SLC25A5: variants seen among roughly 807,000 people sequenced by gnomAD.
SLC25A5 encodes the protein solute carrier family 25 member 5, also known as ADP/ATP translocase 2.
A neutral mutation model predicts 16.5 loss-of-function variants in SLC25A5; 4 were observed. That is an observed-to-expected ratio of 0.24 (90% confidence interval 0.12 to 0.56). The LOEUF (loss-of-function observed/expected upper bound fraction) is 0.56, where lower values mean the gene tolerates loss of function less well. Among genes scored for constraint, SLC25A5 ranks in the 20% least tolerant of loss-of-function variants. SLC25A5 has a pLI of 0.93. For missense variants in SLC25A5, 88 were observed against 248.0 expected (o/e 0.35, Z 4.33); for synonymous variants, 60 against 95.2 (o/e 0.63, Z 2.15).
In SLC25A5 at chrX:119,469,654, C is replaced by A; in HGVS notation, c.112-7C>A. On this transcript the variant is annotated splice_polypyrimidine_tract_variant and splice_region_variant and intron_variant, in intron 1 of 3. Transcript: ENST00000317881. ...CTGTCCCTGTTGGCTTCCTTCCTGT[C>A]TGTTAGGTGCAGCATGCCAGCAAGC... 1.0e-6 allele frequency: 1 copy of A among 990,038 alleles called. No individual in the cohort carries two copies. The highest frequency in any genetic ancestry group is 1.3e-6 in the Non-Finnish European group (1 of 779,834). 81.6% of individuals were successfully genotyped at this position (990,038 alleles called of 1,213,427 possible).
intron 1 of SLC25A5, 98 bp downstream of exon 1, chrX:119,468,724 A>T: frequency 2.8e-6 from 2 of 718,008 alleles, no homozygotes; most frequent in Non-Finnish European, 4.2e-6. Flanking sequence ...CTCTAAAGAC[A>T]TGGCCAGGGA....
intron 1 of SLC25A5, 28 bp from the exon 2 acceptor site, chrX:119,469,633 C>T (rs2052814281): frequency 1.7e-6 from 2 of 1,170,056 alleles, no homozygotes; most frequent in Non-Finnish European, 2.3e-6. Context: ...TTATAACTGT[C>T]CCTGTTGGCT....
At chrX:119,470,272 CA>C (rs1393808794) in intron 2 of SLC25A5, 100 bp from the exon 3 acceptor site, 11 of 1,111,087 alleles carry the variant, frequency 9.9e-6, no homozygotes, top group Non-Finnish European at 1.2e-5. Flanking sequence ...CAAGATCATC[CA>C]ATGCAACCCT....
In SLC25A5 at chrX:119,468,778, A is replaced by G. The variant is rs1227065722; in HGVS notation, c.111+152A>G. 4 of 481,756 alleles carry G rather than the reference A, an allele frequency of 8.3e-6. No individual in the cohort carries two copies. The African/African-American group carries it at 9.6e-5, about 12-fold the overall frequency. The allele number at this position is 481,756 out of a possible 1,213,427, so 39.7% of individuals were successfully genotyped here. On this transcript the variant is annotated intron_variant, in intron 1 of 3. Transcript: ENST00000317881. ...AGAGCGGGGCGCAGAGGCAGAACAG[A>G]AGTCAAACTGGTGGGAGGCGCCTTT...
At chrX:119,469,514 G>T in intron 1 of SLC25A5, 147 bp from the exon 2 acceptor site, 1 of 653,431 alleles carries the variant, frequency 1.5e-6, no homozygotes. Context: ...CAGAGGGTTG[G>T]GAGGGTCCAG....
chrX:119,469,632 TC>T (rs761158541), intron 1 of SLC25A5, 28 bp from the exon 2 acceptor site: 1 of 1,063,198 alleles, frequency 9.4e-7, no homozygotes, highest in Non-Finnish European at 1.2e-6. Context: ...GTTATAACTG[TC>T]CCTGTTGGCT....
intron 1 of SLC25A5, chrX:119,468,866 C>T: frequency 2.5e-6 from 1 of 393,626 alleles, no homozygotes; most frequent in Non-Finnish European, 4.4e-6. Flanking sequence ...AGGCTCTCGG[C>T]ATCTCCGAGG....
At chrX:119,468,994 G>A (rs2052806503) in intron 1 of SLC25A5, 2 of 165,951 alleles carry the variant, frequency 1.2e-5, no homozygotes, top group Non-Finnish European at 1.2e-5. Context: ...AAGACCTCAA[G>A]GTCGCGGCAA....
At chrX:119,470,798 AGCTGACGTTCTTAGAGGTGGG>A (rs2052826850) in intron 3 of SLC25A5, 82 bp from the exon 4 acceptor site, 2 of 918,718 alleles carry the variant, frequency 2.2e-6, no homozygotes, top group Admixed American at 3.1e-5. Flanking sequence ...TTGGATTTAA[AGCTGACGTTCTTAGAGGTGGG>A]GCTCTGCTTT....
chrX:119,469,611 C>T (rs2052814050), intron 1 of SLC25A5, 50 bp from the exon 2 acceptor site: 4 of 1,095,229 alleles, frequency 3.7e-6, no homozygotes, highest in South Asian at 2.3e-5. Context: ...CTTCTCTTTC[C>T]CTTCCCCATG....
At position 119,468,495 on chromosome X, in the gene SLC25A5, C is replaced by T. The variant is rs1342833575; in HGVS notation, c.-21C>T. The T allele has an allele frequency of 2.6e-6, 3 of 1,175,660 alleles. No homozygotes were observed. Among genetic ancestry groups the T allele is most frequent in the African/African-American group, 1.7e-5 (1 of 57,383 alleles). ...TTCCCGGCCCAGTCCCGTCCTGCAG[C>T]AGTCTGCCTCCTCTTTCAACATGAC... is the stretch of plus-strand genomic sequence containing the variant. On this transcript the variant is annotated 5_prime_UTR_variant, in exon 1 of 4. Coordinates refer to ENST00000317881, the MANE Select transcript of SLC25A5 (RefSeq NM_001152.5).
At chrX:119,469,436 C>T (rs1372714233) in intron 1 of SLC25A5, 1 of 384,098 alleles carries the variant, frequency 2.6e-6, no homozygotes, top group East Asian at 4.1e-5. Context: ...GAGGATGCCC[C>T]CTCTCCACTC....
Position 119,468,476 on chromosome X carries a change from G to A in SLC25A5, c.-40G>A, listed in dbSNP as rs767319955. 8.8e-7 allele frequency: 1 copy of A among 1,136,584 alleles called. No individual in the cohort carries two copies. Among genetic ancestry groups the A allele is most frequent in the East Asian group, 3.0e-5 (1 of 33,093 alleles). The allele number at this position is 1,136,584 out of a possible 1,213,427, so 93.7% of individuals were successfully genotyped here. A position where few individuals can be genotyped will look rare whatever the true frequency, so the allele number is the denominator to read the frequency against. On this transcript the variant is annotated 5_prime_UTR_variant, in exon 1 of 4. Coordinates refer to ENST00000317881, the MANE Select transcript of SLC25A5 (RefSeq NM_001152.5). Reference sequence around the variant, plus strand: ...GCGCCGGAGTCAAAGCCGGTTCCCGGCCCAGTCCCGTCCTGCAGCAGTCTG... The same window carrying A: ...GCGCCGGAGTCAAAGCCGGTTCCCGACCCAGTCCCGTCCTGCAGCAGTCTG...
chrX:119,469,339 G>A (rs1444614148), intron 1 of SLC25A5: 1 of 152,938 alleles, frequency 6.5e-6, no homozygotes, highest in Non-Finnish European at 1.3e-5. Flanking sequence ...AGGTGACCGC[G>A]CCCTATGTGG....
At chrX:119,469,505 A>G (rs373761418) in intron 1 of SLC25A5, 156 bp from the exon 2 acceptor site, 5 of 589,364 alleles carry the variant, frequency 8.5e-6, no homozygotes, top group Admixed American at 3.3e-5. Context: ...TGACAGCCTC[A>G]GAGGGTTGGG....
chrX:119,468,902 T>A, intron 1 of SLC25A5: 2 of 343,882 alleles, frequency 5.8e-6, no homozygotes, highest in South Asian at 1.2e-4. Context: ...GAGCAGTTTC[T>A]GAGTGACGGC....
rs1251317082 is a variant in SLC25A5, at chrX:119,470,163, G to A, written c.598+16G>A. ...ACTGCAAAGGGTAAGTTTGCTGTGG[G>A]CTTTAACGTTGTGTTCTTAGGAGAC... On this transcript the variant is annotated intron_variant, in intron 2 of 3. Coordinates refer to ENST00000317881, the MANE Select transcript of SLC25A5 (RefSeq NM_001152.5). 2.6e-6 allele frequency: 3 copies of A among 1,147,338 alleles called. No individual in the cohort carries two copies. The highest frequency in any genetic ancestry group is 3.5e-6 in the Non-Finnish European group (3 of 864,154). The allele number at this position is 1,147,338 out of a possible 1,213,427, so 94.6% of individuals were successfully genotyped here.
chrX:119,470,594 A>AG, intron 3 of SLC25A5, 81 bp downstream of exon 3: 2 of 1,089,304 alleles, frequency 1.8e-6, no homozygotes, highest in Non-Finnish European at 2.5e-6. Flanking sequence ...TACCTTTAAA[A>AG]TGGCTGTCTG....
chrX:119,470,208 C>T (rs187528002), intron 2 of SLC25A5, 61 bp downstream of exon 2: 1 of 1,142,112 alleles, frequency 8.8e-7, no homozygotes, highest in Non-Finnish European at 1.2e-6. Flanking sequence ...GAGCATTGTA[C>T]CAACCTAACA....
Sources: allele counts gnomAD v4.1 joint callset, GRCh38; gene constraint gnomAD v4.1.1; transcripts MANE v1.5; gene names NCBI Gene and HGNC (gene_info 2026-07-23, HGNC 2026-07-21).